Variants in SYT1 observed in about 807,000 individuals in gnomAD.
SYT1 encodes the protein synaptotagmin-1.
A neutral mutation model predicts 44.8 loss-of-function variants in SYT1; 8 were observed. The observed-to-expected ratio is 0.18, with a 90% confidence interval of 0.10 to 0.32. The LOEUF is 0.32. Among genes scored for constraint, SYT1 ranks in the 10% least tolerant of loss-of-function variants. The probability of loss-of-function intolerance (pLI) is 1.00; values close to 1 mark genes in which losing one functional copy is unlikely to be tolerated. For missense variants in SYT1, 286 were observed against 509.3 expected (o/e 0.56, Z 4.22); for synonymous variants, 154 against 188.8 (o/e 0.82, Z 1.51).
chr12:79,036,951 G>A (rs1336619883), intron 2 of SYT1, among the ~76,000 whole-genome samples: 1 of 151,808 alleles, frequency 6.6e-6, no homozygotes, highest in African/African-American at 2.4e-5. Context: ...AATAGATGAA[G>A]TGATTTGCCT....
intron 3 of SYT1, among the ~76,000 whole-genome samples, chr12:79,049,552 C>T (rs1874316569): frequency 6.6e-6 from 1 of 151,900 alleles, no homozygotes; most frequent in African/African-American, 2.4e-5. Flanking sequence ...AATACTCTGA[C>T]TTAAATGACA....
At chr12:79,258,222 T>C (rs1476124024) in intron 4 of SYT1, among the ~76,000 whole-genome samples, 1 of 152,244 alleles carries the variant, frequency 6.6e-6, no homozygotes, top group East Asian at 1.9e-4. Flanking sequence ...TGATTTATTT[T>C]ATTTCAGAAT....
intron 2 of SYT1, among the ~76,000 whole-genome samples, chr12:78,978,173 A>G (rs888077710): frequency 6.6e-5 from 10 of 152,302 alleles, no homozygotes; most frequent in African/African-American, 2.4e-4. Context: ...TTGGTGGGGC[A>G]CTGGCTCCTT....
chr12:79,254,841 T>C (rs888738041), intron 4 of SYT1, among the ~76,000 whole-genome samples: 4 of 152,184 alleles, frequency 2.6e-5, no homozygotes, highest in Non-Finnish European at 5.9e-5. Flanking sequence ...GAACTAGAAT[T>C]AGAAGTGGAG....
intron 4 of SYT1, among the ~76,000 whole-genome samples, chr12:79,221,465 C>T (rs1875155735): frequency 6.6e-6 from 1 of 152,108 alleles, no homozygotes; most frequent in East Asian, 1.9e-4. Context: ...TTATTCTGTA[C>T]ATTGTTTATT....
chr12:79,257,776 C>A (rs545587614), intron 4 of SYT1, among the ~76,000 whole-genome samples: 2 of 152,128 alleles, frequency 1.3e-5, no homozygotes, highest in Non-Finnish European at 2.9e-5. Flanking sequence ...CGTGAGCCAC[C>A]GCGCGAATAA....
Position 79,444,113 on chromosome 12 carries a change from G to A in SYT1, c.969G>A (p.Arg323=). 6.2e-7 allele frequency: 1 copy of A among 1,613,430 alleles called. No homozygotes were observed. Among genetic ancestry groups the A allele is most frequent in the Non-Finnish European group, 8.5e-7 (1 of 1,179,610 alleles). Residue 323 remains arginine, a synonymous_variant, in exon 10 of 11, where the codon AGG becomes AGA. Transcript: ENST00000261205. ...TTCATCTGATGCAGAATGGTAAGAG[G>A]CTGAAGAAGAAAAAGACAACAATTA... The part of the protein sequence containing the change: ...VKIHLMQNGK[R]LKKKKTTIKK...
chr12:79,420,789 A>G (rs1435183955), intron 9 of SYT1, among the ~76,000 whole-genome samples: 1 of 152,144 alleles, frequency 6.6e-6, no homozygotes, highest in Admixed American at 6.6e-5. Context: ...AGAAGTAGGA[A>G]AAAGTATTGC....
chr12:79,035,344 G>C (rs1192082553), intron 2 of SYT1, among the ~76,000 whole-genome samples: 19 of 151,744 alleles, frequency 1.3e-4, no homozygotes, highest in Non-Finnish European at 8.9e-5. Context: ...TTCATTGTTT[G>C]TCATTTCACC....
intron 1 of SYT1, among the ~76,000 whole-genome samples, chr12:78,972,907 T>G (rs1868480654): frequency 6.6e-6 from 1 of 152,186 alleles, no homozygotes; most frequent in East Asian, 1.9e-4. Flanking sequence ...CAGAATTTTA[T>G]GTAAACATCA....
At chr12:79,245,095 T>TA (rs1157588663) in intron 4 of SYT1, among the ~76,000 whole-genome samples, 2 of 152,170 alleles carry the variant, frequency 1.3e-5, no homozygotes, top group Non-Finnish European at 2.9e-5. Context: ...AGCCATGCTT[T>TA]AAAAAATGAC....
intron 4 of SYT1, among the ~76,000 whole-genome samples, chr12:79,277,027 A>G (rs1411940036): frequency 1.3e-5 from 2 of 151,998 alleles, no homozygotes; most frequent in African/African-American, 4.8e-5. Flanking sequence ...AGGAAGAAGA[A>G]GGAGAAGGGG....
intron 4 of SYT1, among the ~76,000 whole-genome samples, chr12:79,253,653 G>C (rs908539170): frequency 6.6e-6 from 1 of 152,080 alleles, no homozygotes; most frequent in Non-Finnish European, 1.5e-5. Context: ...TAAATCTAAA[G>C]CCAGGAATGA....
At chr12:79,153,445 A>T (rs1870400728) in intron 3 of SYT1, among the ~76,000 whole-genome samples, 1 of 152,130 alleles carries the variant, frequency 6.6e-6, no homozygotes, top group Non-Finnish European at 1.5e-5. Context: ...TTGATGGTTT[A>T]TTGGCTACCC....
chr12:78,932,940 T>G (rs1877836747), intron 1 of SYT1, among the ~76,000 whole-genome samples: 1 of 152,114 alleles, frequency 6.6e-6, no homozygotes, highest in African/African-American at 2.4e-5. Flanking sequence ...CTTACTTTCA[T>G]GCAAAAAAAC....
intron 9 of SYT1, among the ~76,000 whole-genome samples, chr12:79,417,064 A>G (rs367790808): frequency 6.6e-6 from 1 of 152,186 alleles, no homozygotes; most frequent in African/African-American, 2.4e-5. Context: ...ATCAATTGTC[A>G]GTTATCAAAA....
chr12:79,189,505 A>G (rs1191111705), intron 3 of SYT1, among the ~76,000 whole-genome samples: 1 of 152,206 alleles, frequency 6.6e-6, no homozygotes, highest in Non-Finnish European at 1.5e-5. Context: ...CATTTTATTA[A>G]GTGTTTATTA....
In SYT1 at chr12:79,044,556, C is replaced by G. The variant is rs1378736516; in HGVS notation, c.-83-2741C>G. Among the ~76,000 whole-genome samples the G allele has an allele frequency of 8.4e-5, 12 of 143,486 alleles. No homozygotes were observed. In the East Asian group the frequency reaches 1.7e-3, roughly 20 times the overall value. The allele number at this position is 143,486 out of a possible 152,430, so 94.1% of individuals were successfully genotyped here. On this transcript the variant is annotated intron_variant, in intron 2 of 10. Coordinates refer to ENST00000261205, the MANE Select transcript of SYT1 (RefSeq NM_005639.3). ...AATTTTTTTTCAAAGTTTTCAACTT[C>G]TTTGCCTTTGGTTTGAATGTCCTCC...
At chr12:78,908,781 CCTTAGTA>C (rs1876140321) in intron 1 of SYT1, among the ~76,000 whole-genome samples, 1 of 151,688 alleles carries the variant, frequency 6.6e-6, no homozygotes, top group African/African-American at 2.4e-5. Context: ...CTATTTTGGC[CCTTAGTA>C]AAGTCATGAC....
Sources: gnomAD v4.1 joint callset for allele counts (sites outside exome capture counted in the v4.1 genomes callset) on GRCh38, gnomAD v4.1.1 for gene constraint, MANE v1.5 for transcripts, NCBI Gene and HGNC (gene_info 2026-07-23, HGNC 2026-07-21) for gene names.